Variants in F13A1 observed in about 807,000 individuals in gnomAD.
The protein encoded by F13A1 is FSF, A subunit.
A neutral mutation model predicts 80.1 loss-of-function variants in F13A1; 47 were observed. The observed-to-expected ratio is 0.59, with a 90% CI of 0.46 to 0.75. The LOEUF (loss-of-function observed/expected upper bound fraction) is 0.75, where lower values mean the gene tolerates loss of function less well. F13A1 is among the 30% of genes least tolerant of loss of function. The pLI is 0.00. For synonymous variants in F13A1, 349 were observed against 344.9 expected, an observed-to-expected ratio of 1.01 and a Z score of -0.13; for missense variants, 817 against 930.4, an observed-to-expected ratio of 0.88 and a Z score of 1.59.
intron 3 of F13A1, among the ~76,000 whole-genome samples, chr6:6,301,390 G>T (rs928688029): frequency 1.3e-5 from 2 of 152,094 alleles, no homozygotes; most frequent in Non-Finnish European, 2.9e-5. Flanking sequence ...TGCCTTTCTT[G>T]TATCTACAAC....
intron 13 of F13A1, among the ~76,000 whole-genome samples, chr6:6,161,524 A>ACGTG (rs1760572520): frequency 7.5e-6 from 1 of 133,556 alleles, no homozygotes; most frequent in Non-Finnish European, 1.6e-5. Context: ...CAGAGAGAGG[A>ACGTG]TGTGTGTGTG....
chr6:6,225,469 TTTTTTG>T (rs2113064607), intron 6 of F13A1, among the ~76,000 whole-genome samples: 1 of 151,862 alleles, frequency 6.6e-6, no homozygotes, highest in East Asian at 1.9e-4. Flanking sequence ...CTTACAGAGG[TTTTTTG>T]TTTTTGTTTC....
chr6:6,316,221 A>T (rs112341723), intron 2 of F13A1, among the ~76,000 whole-genome samples: 4,079 of 144,850 alleles, frequency 0.028, 91 homozygotes, highest in South Asian at 0.084. Context: ...AGAGCATGTA[A>T]CACTTATCTT....
At chr6:6,267,998 C>A (rs926593238) in intron 3 of F13A1, among the ~76,000 whole-genome samples, 3 of 152,206 alleles carry the variant, frequency 2.0e-5, no homozygotes, top group Non-Finnish European at 2.9e-5. Flanking sequence ...ATTAAGACTT[C>A]AAAGACTCAT....
chr6:6,164,081 C>T (rs1249528576), intron 13 of F13A1, among the ~76,000 whole-genome samples: 1 of 151,930 alleles, frequency 6.6e-6, no homozygotes, highest in African/African-American at 2.4e-5. Context: ...TTGCCAATAA[C>T]CAGCATCTAT....
At chr6:6,303,651 A>G (rs2113180723) in intron 3 of F13A1, among the ~76,000 whole-genome samples, 1 of 152,306 alleles carries the variant, frequency 6.6e-6, no homozygotes, top group East Asian at 1.9e-4. Flanking sequence ...CTTCCATCTA[A>G]CTGAAATTTT....
chr6:6,258,241 G>A (rs560576935), intron 4 of F13A1, among the ~76,000 whole-genome samples: 49 of 152,198 alleles, frequency 3.2e-4, no homozygotes, highest in South Asian at 2.1e-4. Flanking sequence ...AGAAATGCAC[G>A]TAACATCACA....
intron 3 of F13A1, among the ~76,000 whole-genome samples, chr6:6,299,821 C>A (rs1258580632): frequency 6.7e-6 from 1 of 148,594 alleles, no homozygotes; most frequent in Non-Finnish European, 1.5e-5. Flanking sequence ...GGAGGAGAGG[C>A]GGTCTGCTTT....
chr6:6,191,416 C>G (rs1041447836), intron 10 of F13A1, among the ~76,000 whole-genome samples: 1 of 152,198 alleles, frequency 6.6e-6, no homozygotes, highest in Non-Finnish European at 1.5e-5. Context: ...TATCATCACA[C>G]AAAATCTGGG....
intron 3 of F13A1, among the ~76,000 whole-genome samples, chr6:6,294,454 T>A (rs1758284402): frequency 6.6e-6 from 1 of 152,138 alleles, no homozygotes; most frequent in Admixed American, 6.6e-5. Context: ...GACAGCCTAT[T>A]GTGGGACCTT....
At chr6:6,300,983 C>T (rs568971198) in intron 3 of F13A1, among the ~76,000 whole-genome samples, 5 of 152,104 alleles carry the variant, frequency 3.3e-5, no homozygotes, top group South Asian at 2.1e-4. Flanking sequence ...TATTCTTTTT[C>T]GTTTTTAAAC....
intron 11 of F13A1, among the ~76,000 whole-genome samples, chr6:6,176,516 G>T (rs998920650): frequency 4.6e-5 from 7 of 152,198 alleles, no homozygotes; most frequent in Admixed American, 4.6e-4. Flanking sequence ...AATGCCAGAA[G>T]GCATTGCATA....
intron 3 of F13A1, among the ~76,000 whole-genome samples, chr6:6,285,376 T>A (rs1362618198): frequency 6.6e-6 from 1 of 152,194 alleles, no homozygotes; most frequent in African/African-American, 2.4e-5. Flanking sequence ...GACAAGATGT[T>A]ATAGAGATTT....
At chr6:6,295,285 G>A (rs1758305231) in intron 3 of F13A1, among the ~76,000 whole-genome samples, 1 of 148,514 alleles carries the variant, frequency 6.7e-6, no homozygotes, top group Non-Finnish European at 1.5e-5. Context: ...GGGTCAAATG[G>A]TATTTCTAGT....
At chr6:6,274,609 A>G (rs1278540276) in intron 3 of F13A1, among the ~76,000 whole-genome samples, 1 of 152,218 alleles carries the variant, frequency 6.6e-6, no homozygotes, top group Non-Finnish European at 1.5e-5. Flanking sequence ...ATTTCTCCCT[A>G]AGAATGGCTT....
intron 8 of F13A1, among the ~76,000 whole-genome samples, chr6:6,210,407 C>T (rs1216215813): frequency 2.1e-5 from 3 of 145,674 alleles, no homozygotes; most frequent in South Asian, 2.2e-4. Context: ...TGCAGTGGCA[C>T]GATCTCGGCT....
intron 3 of F13A1, among the ~76,000 whole-genome samples, chr6:6,275,184 TTGAC>T (rs1385887028): frequency 2.0e-5 from 3 of 151,826 alleles, no homozygotes; most frequent in Admixed American, 2.0e-4. Flanking sequence ...GATGGTGTCT[TTGAC>T]TGACTCTCGG....
intron 8 of F13A1, among the ~76,000 whole-genome samples, chr6:6,211,843 G>A (rs1761619507): frequency 6.6e-6 from 1 of 152,240 alleles, no homozygotes; most frequent in Non-Finnish European, 1.5e-5. Context: ...AGCCAAAGCA[G>A]GGTGAGGCAT....
intron 3 of F13A1, among the ~76,000 whole-genome samples, chr6:6,298,764 G>C (rs1203771747): frequency 6.7e-6 from 1 of 149,604 alleles, no homozygotes; most frequent in Non-Finnish European, 1.5e-5. Context: ...AGTTAATATT[G>C]TTATGTGTGA....
Sources: allele counts gnomAD v4.1 joint callset (sites outside exome capture counted in the v4.1 genomes callset), GRCh38; gene constraint gnomAD v4.1.1; transcripts MANE v1.5; gene names NCBI Gene and HGNC (gene_info 2026-07-23, HGNC 2026-07-21).